Variants in ACSF2 observed in about 807,000 individuals in gnomAD.
The protein encoded by ACSF2 is medium-chain acyl-CoA ligase ACSF2, mitochondrial.
In ACSF2, 52 loss-of-function variants were observed where a neutral mutation model predicts 79.3. The ratio of observed to expected loss-of-function variants is 0.66; its 90% CI spans 0.53 to 0.83. The LOEUF (loss-of-function observed/expected upper bound fraction) is 0.83, where lower values mean the gene tolerates loss of function less well. ACSF2 is among the 40% of genes least tolerant of loss of function. The probability of loss-of-function intolerance (pLI) is 0.00; values close to 1 mark genes in which losing one functional copy is unlikely to be tolerated. For missense variants in ACSF2, 661 were observed against 803.3 expected, an observed-to-expected ratio of 0.82 and a Z score of 2.14; for synonymous variants, 283 against 312.6, an observed-to-expected ratio of 0.91 and a Z score of 1.00.
chr17:50,434,998 G>A (rs2030276604), intron 1 of ACSF2, among the ~76,000 whole-genome samples: 1 of 152,078 alleles, frequency 6.6e-6, no homozygotes, highest in Non-Finnish European at 1.5e-5. Flanking sequence ...AGCCTCCCAA[G>A]TAGCTGGGAT....
chr17:50,435,976 C>G (rs1477333335), intron 1 of ACSF2, among the ~76,000 whole-genome samples: 1 of 151,796 alleles, frequency 6.6e-6, no homozygotes, highest in Non-Finnish European at 1.5e-5. Flanking sequence ...CTTTTGGTGT[C>G]AAGCCTAATA....
rs374928540 is a variant in ACSF2 at position 50,471,109 on chromosome 17, G to C, written c.1297G>C (p.Val433Leu). 1.9e-6 allele frequency: 3 copies of C among 1,614,002 alleles called. No individual in the cohort carries two copies. The highest frequency in any genetic ancestry group is 2.5e-6 in the Non-Finnish European group (3 of 1,179,996). The change falls in exon 11 of 16, where the codon GTG (valine) becomes CTG (leucine). Residue 433 changes from valine (V) to leucine (L), a missense_variant. Transcript: ENST00000300441. The surrounding 1 kb of genome is among the most constrained non-coding windows in gnomAD (Gnocchi z 4.1). ...CACTGTGGAGCAGAAGGCAGAAAGC[G>C]TGGGCAGAATTATGCCTCACACGGA... is the stretch of plus-strand genomic sequence containing the variant. ...EDTVEQKAES[V>L]GRIMPHTEAR... is the part of the protein sequence containing the mutation.
At chr17:50,468,965 C>T (rs1232357881) in intron 10 of ACSF2, 1 of 1,394,910 alleles carries the variant, frequency 7.2e-7, no homozygotes, top group East Asian at 2.8e-5. Context: ...AGCATCGAGG[C>T]CACTGGGCTT....
At chr17:50,441,478 CGG>C (rs1567841737) in intron 1 of ACSF2, among the ~76,000 whole-genome samples, 5 of 152,104 alleles carry the variant, frequency 3.3e-5, no homozygotes, top group African/African-American at 1.2e-4. Context: ...CCTGGCCTGG[CGG>C]TCCTTTTTAA....
In ACSF2 at chr17:50,462,538, CA is replaced by C; in HGVS notation, c.746del (p.Gln249ArgfsTer39). ...GCATCTGGACCAGCTCCAATACAAC[CA>C]GCAGTTCCTGTCCTGCCATGACCCC... ...RQHLDQLQYN[Q>X]QFLSCHDPIN... is the part of the protein sequence containing the mutation. On this transcript the variant is annotated frameshift_variant, in exon 6 of 16. Transcript: ENST00000300441. LOFTEE classifies it high-confidence loss of function. 2 of 1,613,988 alleles carry C rather than the reference CA, an allele frequency of 1.2e-6. No individual in the cohort carries two copies. Among genetic ancestry groups the C allele is most frequent in the Non-Finnish European group, 1.7e-6 (2 of 1,180,010 alleles).
chr17:50,468,136 C>G (rs139473046), intron 10 of ACSF2: 18 of 1,614,004 alleles, frequency 1.1e-5, no homozygotes, highest in Non-Finnish European at 1.5e-5. Flanking sequence ...GGTTGTGGGA[C>G]AGCTTCAGCT....
intron 10 of ACSF2, among the ~76,000 whole-genome samples, chr17:50,470,429 C>A (rs1423017663): frequency 1.3e-5 from 2 of 152,068 alleles, no homozygotes; most frequent in African/African-American, 4.8e-5. Context: ...TTTTTAAAAT[C>A]ACTGCTTAGG....
chr17:50,447,109 T>TGAGG (rs1267261311), intron 1 of ACSF2, among the ~76,000 whole-genome samples: 14 of 152,134 alleles, frequency 9.2e-5, no homozygotes, highest in Non-Finnish European at 1.6e-4. Context: ...CCTCACAGAG[T>TGAGG]TACCCTATGT....
chr17:50,462,839 T>C (rs978503360), intron 6 of ACSF2: 4 of 584,024 alleles, frequency 6.8e-6, no homozygotes, highest in African/African-American at 1.9e-5. Context: ...CCAACACAGG[T>C]TGGAACTGCT....
Position 50,474,648 on chromosome 17 carries a change from C to G in ACSF2, c.*96C>G. On this transcript the variant is annotated 3_prime_UTR_variant, in exon 16 of 16. Transcript: ENST00000300441. This position sits in a 1 kb window ranked among gnomAD's most constrained non-coding sequence, Gnocchi z 4.2. ...ACCTAGATGTCCCCAGCACCCAGTTCTGAGCCAGGCACATCAAATGTCAAG... is the reference window on the plus strand; with the variant it reads ...ACCTAGATGTCCCCAGCACCCAGTTGTGAGCCAGGCACATCAAATGTCAAG... 2 of 1,268,798 alleles carry G rather than the reference C, an allele frequency of 1.6e-6. No homozygotes were observed. Among genetic ancestry groups the G allele is most frequent in the Non-Finnish European group, 1.1e-6 (1 of 878,506 alleles). 78.6% of individuals were successfully genotyped at this position (1,268,798 alleles called of 1,614,324 possible).
chr17:50,468,501 A>T, intron 10 of ACSF2: 1 of 1,614,272 alleles, frequency 6.2e-7, no homozygotes, highest in Non-Finnish European at 8.5e-7. Context: ...TGGGACAGGT[A>T]CAAGTAGATA....
At chr17:50,454,156 A>G (rs569332468) in intron 1 of ACSF2, among the ~76,000 whole-genome samples, 1 of 149,214 alleles carries the variant, frequency 6.7e-6, no homozygotes, top group East Asian at 2.0e-4. Context: ...GCGACAGAGT[A>G]AGACCGTCCC....
At chr17:50,430,614 G>T (rs55772291) in intron 1 of ACSF2, among the ~76,000 whole-genome samples, 4 of 152,136 alleles carry the variant, frequency 2.6e-5, no homozygotes, top group Non-Finnish European at 5.9e-5. Context: ...GCAGTGAGCC[G>T]AGATTGTGCC....
intron 1 of ACSF2, among the ~76,000 whole-genome samples, chr17:50,446,842 CATT>C (rs1158408319): frequency 6.6e-6 from 1 of 152,298 alleles, no homozygotes; most frequent in East Asian, 1.9e-4. Flanking sequence ...CCTTTGCTCT[CATT>C]ATTGTATAAT....
At chr17:50,461,523 G>A in intron 3 of ACSF2, 110 bp from the exon 4 acceptor site, 2 of 1,588,598 alleles carry the variant, frequency 1.3e-6, no homozygotes, top group Non-Finnish European at 1.7e-6. Flanking sequence ...GGAGGTCTCT[G>A]GGAGTTAGGG....
At chr17:50,432,450 C>G (rs1056003731) in intron 1 of ACSF2, among the ~76,000 whole-genome samples, 4 of 152,178 alleles carry the variant, frequency 2.6e-5, no homozygotes, top group African/African-American at 9.7e-5. Flanking sequence ...AAGGTTCCAG[C>G]AGGGTAAACT....
intron 10 of ACSF2, among the ~76,000 whole-genome samples, chr17:50,470,600 C>A (rs1207997972): frequency 6.6e-6 from 1 of 151,822 alleles, no homozygotes; most frequent in Non-Finnish European, 1.5e-5. Flanking sequence ...GCTTTCTCAT[C>A]AAGTTTATGG....
intron 1 of ACSF2, among the ~76,000 whole-genome samples, chr17:50,456,762 A>G (rs961947248): frequency 1.4e-5 from 2 of 143,618 alleles, no homozygotes; most frequent in Non-Finnish European, 3.1e-5. Context: ...AAAATAAAAT[A>G]AAAAAGGTGC....
At chr17:50,464,135 C>T in intron 9 of ACSF2, 83 bp from the exon 10 acceptor site, 1 of 1,448,586 alleles carries the variant, frequency 6.9e-7, no homozygotes, top group South Asian at 1.1e-5. Flanking sequence ...AGGGAATGTT[C>T]CTCCCCTGAA....
Sources: gnomAD v4.1 joint callset for allele counts (sites outside exome capture counted in the v4.1 genomes callset) on GRCh38, gnomAD v4.1.1 for gene constraint, Gnocchi (gnomAD v3.1) non-coding constraint, MANE v1.5 for transcripts, NCBI Gene and HGNC (gene_info 2026-07-23, HGNC 2026-07-21) for gene names.